The following CTNNA2 variants were observed in gnomAD, a reference collection of about 807,000 sequenced individuals.
The protein encoded by CTNNA2 is catenin alpha-2.
Under a neutral mutation model 101.0 loss-of-function variants are expected in CTNNA2, and 42 were observed. That is an observed-to-expected ratio of 0.42 (90% CI 0.32 to 0.54). The LOEUF is 0.54. CTNNA2 is among the 20% of genes least tolerant of loss of function. The probability of loss-of-function intolerance (pLI) is 0.14; values close to 1 mark genes in which losing one functional copy is unlikely to be tolerated. For missense variants in CTNNA2, 871 were observed against 1,223.1 expected, an observed-to-expected ratio of 0.71 and a Z score of 4.29; for synonymous variants, 450 against 456.4, an observed-to-expected ratio of 0.99 and a Z score of 0.18.
intron 7 of CTNNA2, among the ~76,000 whole-genome samples, chr2:80,164,945 T>TGTTTTGTTTTG (rs1553461406): frequency 4.3e-4 from 46 of 108,220 alleles, no homozygotes; most frequent in African/African-American, 1.3e-3. Context: ...TTTGGTTTTT[T>TGTTTTGTTTTG]TTTTTTTTTT....
chr2:80,630,372 C>T (rs1252054925), intron 18 of CTNNA2, among the ~76,000 whole-genome samples: 1 of 152,090 alleles, frequency 6.6e-6, no homozygotes, highest in African/African-American at 2.4e-5. Flanking sequence ...AAAATTTTTG[C>T]TCATGCCTGT....
intron 3 of CTNNA2, among the ~76,000 whole-genome samples, chr2:79,793,281 A>C (rs972445231): frequency 6.6e-6 from 1 of 152,216 alleles, no homozygotes; most frequent in Non-Finnish European, 1.5e-5. Flanking sequence ...TTTATTACTC[A>C]CAGCGCAGAA....
At chr2:80,314,727 A>T (rs1573690595) in intron 7 of CTNNA2, among the ~76,000 whole-genome samples, 1 of 152,230 alleles carries the variant, frequency 6.6e-6, no homozygotes, top group Non-Finnish European at 1.5e-5. Flanking sequence ...TGTTGAGTGT[A>T]TCATTTCTGA....
At chr2:80,451,157 C>T (rs569234897) in intron 9 of CTNNA2, among the ~76,000 whole-genome samples, 8 of 152,114 alleles carry the variant, frequency 5.3e-5, no homozygotes, top group African/African-American at 1.4e-4. Flanking sequence ...CTGACTGATA[C>T]GGTTTGGCTG....
chr2:80,197,387 A>T (rs957598141), intron 7 of CTNNA2, among the ~76,000 whole-genome samples: 1 of 152,328 alleles, frequency 6.6e-6, no homozygotes, highest in Admixed American at 6.5e-5. Flanking sequence ...ACTAAGAATA[A>T]TTATTGTTTA....
chr2:80,615,676 T>G (rs1004814703), intron 17 of CTNNA2, among the ~76,000 whole-genome samples: 4 of 151,694 alleles, frequency 2.6e-5, no homozygotes, highest in African/African-American at 7.2e-5. Context: ...AAAGTGTGTT[T>G]AACTTACTGT....
intron 9 of CTNNA2, among the ~76,000 whole-genome samples, chr2:80,482,937 A>C (rs993880077): frequency 6.6e-6 from 1 of 152,112 alleles, no homozygotes; most frequent in Non-Finnish European, 1.5e-5. Flanking sequence ...CTTCATTTAC[A>C]CTACCTGTCT....
chr2:80,470,205 T>G (rs766460357), intron 9 of CTNNA2, among the ~76,000 whole-genome samples: 4 of 152,156 alleles, frequency 2.6e-5, no homozygotes, highest in Non-Finnish European at 4.4e-5. Context: ...TGCCTACCAC[T>G]TTGTCTACCA....
chr2:80,108,148 C>A (rs1158173048), intron 7 of CTNNA2, among the ~76,000 whole-genome samples: 2 of 152,030 alleles, frequency 1.3e-5, no homozygotes, highest in Non-Finnish European at 2.9e-5. Context: ...AGTAAAAAAC[C>A]AAAGGAATGA....
At chr2:80,116,750 T>C (rs778142914) in intron 7 of CTNNA2, among the ~76,000 whole-genome samples, 1 of 152,128 alleles carries the variant, frequency 6.6e-6, no homozygotes, top group Non-Finnish European at 1.5e-5. Flanking sequence ...GATGCTACAT[T>C]CATGTGAGGA....
intron 4 of CTNNA2, among the ~76,000 whole-genome samples, chr2:79,494,907 G>C (rs947800547): frequency 2.6e-5 from 4 of 151,956 alleles, no homozygotes; most frequent in Non-Finnish European, 5.9e-5. Context: ...TCAGGAAATC[G>C]AGACCATCCT....
At chr2:80,276,812 C>G (rs984927611) in intron 7 of CTNNA2, among the ~76,000 whole-genome samples, 1 of 152,088 alleles carries the variant, frequency 6.6e-6, no homozygotes, top group Non-Finnish European at 1.5e-5. Context: ...CCCCATGACC[C>G]AAACACCCCC....
intron 9 of CTNNA2, among the ~76,000 whole-genome samples, chr2:80,486,889 G>A (rs201218497): frequency 1.3e-4 from 20 of 152,038 alleles, no homozygotes; most frequent in East Asian, 7.7e-4. Flanking sequence ...TTCAGATCCC[G>A]GATCCCACAT....
intron 4 of CTNNA2, among the ~76,000 whole-genome samples, chr2:79,433,515 A>G (rs923506600): frequency 2.0e-5 from 3 of 151,480 alleles, no homozygotes; most frequent in South Asian, 2.1e-4. Context: ...AGTCTCTCCT[A>G]TGAAAATGTT....
At chr2:79,913,349 C>T (rs1217512202) in intron 7 of CTNNA2, among the ~76,000 whole-genome samples, 1 of 152,152 alleles carries the variant, frequency 6.6e-6, no homozygotes, top group Non-Finnish European at 1.5e-5. Context: ...GCCTGGTGCA[C>T]CCACCCGTTT....
In CTNNA2 at chr2:80,326,651, TA is replaced by T. The variant is rs540164797; in HGVS notation, c.1057-66553del. On this transcript the variant is annotated intron_variant, in intron 7 of 18. Transcript: ENST00000402739. ...TTAGCCAATAGTTCTAATTTTTTTT[TA>T]AAAAAAGAGAGGGGGAGAAGATAGA... Among the ~76,000 whole-genome samples, 271 of 151,584 alleles carry T rather than the reference TA, an allele frequency of 1.8e-3. 3 individuals carry two copies. The highest frequency in any genetic ancestry group is 6.2e-3 in the African/African-American group (258 of 41,304).
intron 1 of CTNNA2, among the ~76,000 whole-genome samples, chr2:79,642,527 A>G (rs1680516167): frequency 6.6e-6 from 1 of 152,168 alleles, no homozygotes; most frequent in Non-Finnish European, 1.5e-5. Flanking sequence ...CGTTATAGTC[A>G]AAGTTAGGGG....
At chr2:80,065,977 C>T (rs1434975761) in intron 7 of CTNNA2, among the ~76,000 whole-genome samples, 1 of 152,126 alleles carries the variant, frequency 6.6e-6, no homozygotes, top group East Asian at 1.9e-4. Context: ...TGACTTTACC[C>T]AAACTTGTTC....
intron 7 of CTNNA2, among the ~76,000 whole-genome samples, chr2:80,379,953 C>A (rs1320512373): frequency 2.0e-5 from 3 of 151,954 alleles, no homozygotes; most frequent in African/African-American, 7.3e-5. Context: ...CCAGCAGCAG[C>A]ACCCTGAGGA....
Sources: allele counts gnomAD v4.1 joint callset (sites outside exome capture counted in the v4.1 genomes callset), GRCh38; gene constraint gnomAD v4.1.1; transcripts MANE v1.5; gene names NCBI Gene and HGNC (gene_info 2026-07-23, HGNC 2026-07-21).